The following ZNF773 variants were observed in gnomAD, a reference collection of about 807,000 sequenced individuals.
ZNF773 encodes the protein zinc finger protein 773.
Under a neutral mutation model 12.8 loss-of-function variants are expected in ZNF773, and 11 were observed. The ratio of observed to expected loss-of-function variants is 0.86; its 90% CI spans 0.54 to 1.42. ZNF773 has a LOEUF of 1.42. ZNF773 is among the 40% of genes most tolerant of loss of function. ZNF773 has a pLI of 0.00. For missense variants in ZNF773, 518 were observed against 527.2 expected, an observed-to-expected ratio of 0.98 and a Z score of 0.17; for synonymous variants, 175 against 178.4, an observed-to-expected ratio of 0.98 and a Z score of 0.15.
At chr19:57,514,673 C>T (rs1360758338), downstream of ZNF773, 1 of 152,150 alleles carries the variant, frequency 6.6e-6, no homozygotes, top group Non-Finnish European at 1.5e-5. Context: ...TTTAATTACT[C>T]AACTTATAAC....
chr19:57,499,949 C>A lies in ZNF773; in HGVS notation c.-132C>A. ...GCCGGAAGCTGGTTGTTCGCTGCGG[C>A]GACCAGCTCCGGAAAGCGCGGTGGG... On this transcript the variant is annotated 5_prime_UTR_variant, in exon 1 of 4. Transcript: ENST00000282292. The A allele has an allele frequency of 8.1e-7, 1 of 1,239,456 alleles. No homozygotes were observed. The highest frequency in any genetic ancestry group is 1.5e-5 in the South Asian group (1 of 64,916). 76.8% of individuals were successfully genotyped at this position (1,239,456 alleles called of 1,614,324 possible). A position where few individuals can be genotyped will look rare whatever the true frequency, so the allele number is the denominator to read the frequency against.
At chr19:57,504,466 C>A (rs2089704603) in intron 1 of ZNF773, among the ~76,000 whole-genome samples, 191 bp from the exon 2 acceptor site, 1 of 152,082 alleles carries the variant, frequency 6.6e-6, no homozygotes, top group Non-Finnish European at 1.5e-5. Flanking sequence ...CTGAGATGGA[C>A]TTTATCTGCC....
At chr19:57,517,836 G>T (rs1317093810), downstream of ZNF773, 1 of 152,216 alleles carries the variant, frequency 6.6e-6, no homozygotes, top group African/African-American at 2.4e-5. Flanking sequence ...AGACTCAAGT[G>T]CTTCAGCCCT....
intron 2 of ZNF773, 193 bp downstream of exon 2, chr19:57,504,979 T>C: frequency 2.9e-6 from 3 of 1,037,584 alleles, no homozygotes; most frequent in South Asian, 2.7e-5. Flanking sequence ...CCCACAGCTG[T>C]GCAGGAAAGG....
chr19:57,511,746 T>C (rs10853898), downstream of ZNF773, among the ~76,000 whole-genome samples: 108,687 of 141,208 alleles, frequency 0.77, 39,080 homozygotes, highest in South Asian at 0.84. Context: ...CATACACACA[T>C]ACACACACTC....
intron 1 of ZNF773, among the ~76,000 whole-genome samples, chr19:57,503,516 CT>C (rs1568578866): frequency 6.6e-6 from 1 of 152,168 alleles, no homozygotes; most frequent in African/African-American, 2.4e-5. Context: ...AAGGCAGGCA[CT>C]GCTGCTTATT....
At position 57,506,794 on chromosome 19, in the gene ZNF773, C is replaced by G; in HGVS notation, c.699C>G (p.Asn233Lys). The part of the protein sequence containing the change: ...ECGKLFSHKS[N>K]LFIHQIVHTG... ...GGAAGTTATTTAGCCATAAGTCCAA[C>G]CTTTTTATACACCAAATAGTTCACA... Residue 233 changes from asparagine to lysine, a missense_variant, in exon 4 of 4, where the codon AAC (asparagine) becomes AAG (lysine). By Grantham distance (94) the Asn-to-Lys change is moderately conservative. Transcript: ENST00000282292. The G allele has an allele frequency of 6.2e-7, 1 of 1,614,204 alleles. No homozygotes were observed. The highest frequency in any genetic ancestry group is 1.1e-5 in the South Asian group (1 of 91,090).
Position 57,504,688 on chromosome 19 carries a change from T to C in ZNF773, c.65T>C (p.Val22Ala), listed in dbSNP as rs771746188. ...QGYVTFEDVA[V>A]YFSQEEWRLL... ...TATGTGACCTTTGAGGACGTGGCTGTCTACTTCTCCCAGGAGGAATGGAGA... is the reference window on the plus strand; with the variant it reads ...TATGTGACCTTTGAGGACGTGGCTGCCTACTTCTCCCAGGAGGAATGGAGA... Residue 22 changes from valine (V) to alanine (A), a missense_variant, in exon 2 of 4, where the codon GTC becomes GCC. By Grantham distance (64) the Val-to-Ala change is moderately conservative (BLOSUM62 0). Transcript: ENST00000282292. The C allele has an allele frequency of 1.9e-6, 3 of 1,614,100 alleles. No individual in the cohort carries two copies. The highest frequency in any genetic ancestry group is 1.7e-6 in the Non-Finnish European group (2 of 1,180,038).
At chr19:57,515,269 T>A (rs1031448033), downstream of ZNF773, 6 of 152,240 alleles carry the variant, frequency 3.9e-5, no homozygotes, top group Non-Finnish European at 8.8e-5. Context: ...TATCTCTAGG[T>A]AACAATAAAG....
downstream of ZNF773, among the ~76,000 whole-genome samples, chr19:57,509,015 G>T (rs1239754289): frequency 6.6e-6 from 1 of 152,064 alleles, no homozygotes; most frequent in Non-Finnish European, 1.5e-5. Flanking sequence ...ACATAGACTA[G>T]TCTCTAACCC....
Position 57,507,792 on chromosome 19 carries a change from A to C in ZNF773, c.*368A>C. On this transcript the variant is annotated 3_prime_UTR_variant, in exon 4 of 4. Transcript: ENST00000282292. Reference sequence around the variant, plus strand: ...CATCGAAACCATCCTGGTTAACACAATGAAACCACATCTCTACTAAAAATA... The same window carrying C: ...CATCGAAACCATCCTGGTTAACACACTGAAACCACATCTCTACTAAAAATA... 2 of 751,758 alleles carry C rather than the reference A, an allele frequency of 2.7e-6. No homozygotes were observed. Among genetic ancestry groups the C allele is most frequent in the Non-Finnish European group, 3.3e-6 (2 of 603,058 alleles). The allele number at this position is 751,758 out of a possible 1,614,324, so 46.6% of individuals were successfully genotyped here.
At chr19:57,510,842 A>T (rs2089788450), downstream of ZNF773, among the ~76,000 whole-genome samples, 5 of 152,124 alleles carry the variant, frequency 3.3e-5, no homozygotes. Flanking sequence ...TAAGGAAGGC[A>T]TAAATAAATG....
downstream of ZNF773, among the ~76,000 whole-genome samples, chr19:57,509,626 A>T (rs780785017): frequency 2.0e-5 from 3 of 152,266 alleles, no homozygotes; most frequent in Admixed American, 6.5e-5. Context: ...CTTACGGTTT[A>T]AACAACACAA....
chr19:57,502,710 G>C (rs1305415821), intron 1 of ZNF773, among the ~76,000 whole-genome samples: 1 of 151,872 alleles, frequency 6.6e-6, no homozygotes, highest in Non-Finnish European at 1.5e-5. Flanking sequence ...TTGTTTTTTT[G>C]AGATGGAGTC....
downstream of ZNF773, among the ~76,000 whole-genome samples, chr19:57,511,273 G>A (rs375550404): frequency 2.0e-5 from 3 of 151,952 alleles, no homozygotes; most frequent in Non-Finnish European, 2.9e-5. Context: ...AGATGGTCTC[G>A]ATCTCCTGAC....
intron 2 of ZNF773, 178 bp from the exon 3 acceptor site, chr19:57,505,124 C>G: frequency 1.3e-6 from 1 of 776,094 alleles, no homozygotes; most frequent in Non-Finnish European, 2.3e-6. Flanking sequence ...AGCCAACATA[C>G]CTGGGTGTCG....
At chr19:57,511,135 T>C (rs975804), downstream of ZNF773, among the ~76,000 whole-genome samples, 88,119 of 151,000 alleles carry the variant, frequency 0.58, 26,018 homozygotes, top group East Asian at 0.72. Flanking sequence ...CTGCTGTGTC[T>C]GCCCCCTGGG....
At chr19:57,511,697 G>C (rs1051225466), downstream of ZNF773, among the ~76,000 whole-genome samples, 34 of 151,310 alleles carry the variant, frequency 2.2e-4, no homozygotes, top group African/African-American at 7.8e-4. Flanking sequence ...ATTTATAAAA[G>C]CCAAACACTA....
rs2089758224 is a variant in ZNF773, at chr19:57,507,768, A to G, written c.*344A>G. The G allele has an allele frequency of 2.1e-6, 2 of 963,422 alleles. No homozygotes were observed. Among genetic ancestry groups the G allele is most frequent in the African/African-American group, 1.7e-5 (1 of 57,798 alleles). 59.7% of individuals were successfully genotyped at this position (963,422 alleles called of 1,614,324 possible). A position where few individuals can be genotyped will look rare whatever the true frequency, so the allele number is the denominator to read the frequency against. On this transcript the variant is annotated 3_prime_UTR_variant, in exon 4 of 4. Coordinates refer to ENST00000282292, the MANE Select transcript of ZNF773 (RefSeq NM_198542.3). ...AGCGGGCGGATCACAAGGTCAGGAC[A>G]TCGAAACCATCCTGGTTAACACAAT...
Sources: allele counts gnomAD v4.1 joint callset (sites outside exome capture counted in the v4.1 genomes callset), GRCh38; gene constraint gnomAD v4.1.1; transcripts MANE v1.5; gene names NCBI Gene and HGNC (gene_info 2026-07-23, HGNC 2026-07-21).